Variants in PTPN7 observed in about 807,000 individuals in gnomAD.
PTPN7 encodes the protein tyrosine-protein phosphatase non-receptor type 7.
PTPN7 carries 33 observed loss-of-function variants against 50.3 expected under a neutral mutation model. The observed-to-expected ratio is 0.66, with a 90% CI of 0.50 to 0.88. The LOEUF is 0.88. Among genes scored for constraint, PTPN7 ranks in the 40% least tolerant of loss-of-function variants. The pLI, the probability that PTPN7 is intolerant of heterozygous loss-of-function variation, is 0.00. For missense variants in PTPN7, 412 were observed against 475.4 expected (o/e 0.87, Z 1.24); for synonymous variants, 185 against 186.6 (o/e 0.99, Z 0.07).
rs1655448925 is a variant in PTPN7, at chr1:202,147,422, AG to A, written c.*1183del. The A allele has an allele frequency of 6.6e-6, 1 of 152,182 alleles. No homozygotes were observed. The highest frequency in any genetic ancestry group is 2.4e-5 in the African/African-American group (1 of 41,442). The allele number at this position is 152,182 out of a possible 1,614,324, so 9.4% of individuals were successfully genotyped here. On this transcript the variant is annotated 3_prime_UTR_variant, in exon 10 of 10. Transcript: ENST00000691036. ...GATCCAACTCCTCGGGGGTTTCCAC[AG>A]AGAGCTGGTATCAAGGCAGCTGTCA...
intron 8 of PTPN7, among the ~76,000 whole-genome samples, 160 bp downstream of exon 8, chr1:202,152,382 A>G (rs1164149606): frequency 6.6e-6 from 1 of 152,202 alleles, no homozygotes; most frequent in Non-Finnish European, 1.5e-5. Context: ...TGAAGGAGGT[A>G]AAAAGAACAG....
chr1:202,154,409 C>T, intron 5 of PTPN7, 86 bp from the exon 6 acceptor site: 1 of 1,487,970 alleles, frequency 6.7e-7, no homozygotes, highest in Non-Finnish European at 9.0e-7. Context: ...GTGCTGGGGT[C>T]AGCCTGAAGC....
chr1:202,158,437 A>G, intron 2 of PTPN7, 136 bp from the exon 3 acceptor site: 1 of 895,310 alleles, frequency 1.1e-6, no homozygotes, highest in South Asian at 1.8e-5. Context: ...TATGGCTCAC[A>G]GCAGCCTCAA....
chr1:202,159,231 G>C lies in PTPN7; in HGVS notation c.122+50C>G. The C allele has an allele frequency of 6.4e-7, 1 of 1,566,072 alleles. No homozygotes were observed. Among genetic ancestry groups the C allele is most frequent in the South Asian group, 1.1e-5 (1 of 88,642 alleles). Reference sequence around the variant, plus strand: ...GGGCAGATGGAAGGAAGGGAGGAGCGGAATGGGGGCTCAGGGCTCGGAAGA... The same window carrying C: ...GGGCAGATGGAAGGAAGGGAGGAGCCGAATGGGGGCTCAGGGCTCGGAAGA... On this transcript the variant is annotated intron_variant, in intron 2 of 9. Transcript: ENST00000691036. The surrounding 1 kb of genome is among the most constrained non-coding windows in gnomAD (Gnocchi z 4.6).
chr1:202,149,998 A>G (rs1021760818), intron 9 of PTPN7: 4 of 209,040 alleles, frequency 1.9e-5, no homozygotes, highest in Non-Finnish European at 4.1e-5. Context: ...GGCCTGGCTA[A>G]TTTTTGTATT....
chr1:202,160,074 A>C lies in PTPN7; in HGVS notation c.-53+471T>G. On this transcript the variant is annotated intron_variant, in intron 1 of 9. Transcript: ENST00000691036. The surrounding 1 kb of genome is among the most constrained non-coding windows in gnomAD (Gnocchi z 4.8). ...CATCCCCCCGTCTCCCGCCTCTGTAACCGTCACAGGAAATGGCCTCACCAA... is the reference window on the plus strand; with the variant it reads ...CATCCCCCCGTCTCCCGCCTCTGTACCCGTCACAGGAAATGGCCTCACCAA... 3.8e-6 allele frequency: 3 copies of C among 786,802 alleles called. No homozygotes were observed. Among genetic ancestry groups the C allele is most frequent in the Non-Finnish European group, 4.6e-6 (3 of 645,758 alleles). The allele number at this position is 786,802 out of a possible 1,614,324, so 48.7% of individuals were successfully genotyped here. A position where few individuals can be genotyped will look rare whatever the true frequency, so the allele number is the denominator to read the frequency against.
rs963646044 is a variant in PTPN7 at position 202,147,654 on chromosome 1, G to A, written c.*952C>T. 6.6e-6 allele frequency: 1 copy of A among 152,204 alleles called. No individual in the cohort carries two copies. Among genetic ancestry groups the A allele is most frequent in the Admixed American group, 6.5e-5 (1 of 15,268 alleles). 9.4% of individuals were successfully genotyped at this position (152,204 alleles called of 1,614,324 possible). ...GACAGTGAGGAGTCCTGGTTCAGCCGAGCCTCCATGTCTGCATGGATGGTT... is the reference window on the plus strand; with the variant it reads ...GACAGTGAGGAGTCCTGGTTCAGCCAAGCCTCCATGTCTGCATGGATGGTT... On this transcript the variant is annotated 3_prime_UTR_variant, in exon 10 of 10. Coordinates refer to ENST00000691036, the MANE Select transcript of PTPN7 (RefSeq NM_002832.4).
upstream of PTPN7, chr1:202,160,915 C>T: frequency 1.4e-6 from 2 of 1,442,924 alleles, no homozygotes; most frequent in Non-Finnish European, 9.1e-7. The surrounding 1 kb of genome is among the most constrained non-coding windows in gnomAD (Gnocchi z 4.8). Flanking sequence ...GCCTGACCCC[C>T]AGCTCTGTGC....
In PTPN7 at chr1:202,148,381, T is replaced by G; in HGVS notation, c.*225A>C. On this transcript the variant is annotated 3_prime_UTR_variant, in exon 10 of 10. Coordinates refer to ENST00000691036, the MANE Select transcript of PTPN7 (RefSeq NM_002832.4). ...TTGGAGGTTCCCCTTACTGTCCATCTGGGGCCAACAGAGGAAGCAGAGGAG... is the reference window on the plus strand; with the variant it reads ...TTGGAGGTTCCCCTTACTGTCCATCGGGGGCCAACAGAGGAAGCAGAGGAG... 2.1e-6 allele frequency: 1 copy of G among 469,154 alleles called. No homozygotes were observed. The highest frequency in any genetic ancestry group is 3.8e-6 in the Non-Finnish European group (1 of 262,370). The allele number at this position is 469,154 out of a possible 1,614,324, so 29.1% of individuals were successfully genotyped here.
chr1:202,152,452 T>G lies in PTPN7; in HGVS notation c.875+90A>C, dbSNP rs1237534050. On this transcript the variant is annotated intron_variant, in intron 8 of 9. Transcript: ENST00000691036. ...AGTAAGGACTAGGCTTGCCTGATGC[T>G]TTTCTGCTCAGACCCTTCCCCAGGA... The G allele has an allele frequency of 2.1e-6, 3 of 1,441,068 alleles. No individual in the cohort carries two copies. The East Asian group carries it at 7.1e-5, about 34-fold the overall frequency. 89.3% of individuals were successfully genotyped at this position (1,441,068 alleles called of 1,614,324 possible).
At chr1:202,148,847 CTTTTTTTTT>C (rs10652170) in intron 9 of PTPN7, 148 bp from the exon 10 acceptor site, 18 of 137,518 alleles carry the variant, frequency 1.3e-4, no homozygotes, top group African/African-American at 1.4e-4. Context: ...CATCTTTTCA[CTTTTTTTTT>C]TTTTTTTTTT....
chr1:202,159,247 G>A lies in PTPN7; in HGVS notation c.122+34C>T, dbSNP rs778810822. 18 of 1,599,562 alleles carry A rather than the reference G, an allele frequency of 1.1e-5. No individual in the cohort carries two copies. In the Admixed American group the frequency reaches 3.0e-4, roughly 27 times the overall value. ...GGGAGGAGCGGAATGGGGGCTCAGG[G>A]CTCGGAAGACCCCTCCCCCAGGGAA... On this transcript the variant is annotated intron_variant, in intron 2 of 9. Transcript: ENST00000691036. This position sits in a 1 kb window ranked among gnomAD's most constrained non-coding sequence, Gnocchi z 4.6.
At chr1:202,157,278 G>A (rs1656773458) in intron 4 of PTPN7, among the ~76,000 whole-genome samples, 1 of 152,212 alleles carries the variant, frequency 6.6e-6, no homozygotes, top group Non-Finnish European at 1.5e-5. Flanking sequence ...GGGAGGCCGA[G>A]GTGGGCGGAT....
chr1:202,153,512 A>G (rs1235951915), intron 7 of PTPN7, among the ~76,000 whole-genome samples: 4 of 152,202 alleles, frequency 2.6e-5, no homozygotes, highest in Non-Finnish European at 4.4e-5. Flanking sequence ...CAGATGGGTG[A>G]GTACTTCCCG....
At position 202,155,515 on chromosome 1, in the gene PTPN7, TG is replaced by T; in HGVS notation, c.468+17del. The T allele has an allele frequency of 6.5e-7, 1 of 1,530,790 alleles. No individual in the cohort carries two copies. Among genetic ancestry groups the T allele is most frequent in the African/African-American group, 1.4e-5 (1 of 73,022 alleles). The allele number at this position is 1,530,790 out of a possible 1,614,324, so 94.8% of individuals were successfully genotyped here. On this transcript the variant is annotated intron_variant, in intron 5 of 9. Coordinates refer to ENST00000691036, the MANE Select transcript of PTPN7 (RefSeq NM_002832.4). Reference sequence around the variant, plus strand: ...AATTCCCCCATTCCCCGCCCACCACTGCAGCCAGGCCACTCACTCGGATGTA... The same window carrying T: ...AATTCCCCCATTCCCCGCCCACCACTCAGCCAGGCCACTCACTCGGATGTA...
intron 5 of PTPN7, 124 bp downstream of exon 5, chr1:202,155,391 TGGTAGGGCTATGACAGCA>T: frequency 2.5e-6 from 2 of 802,204 alleles, no homozygotes. Flanking sequence ...CAGCCCAGCT[TGGTAGGGCTATGACAGCA>T]GTGAGCTGGA....
At position 202,159,013 on chromosome 1, in the gene PTPN7, C is replaced by T. The variant is rs1225224881; in HGVS notation, c.122+268G>A. The T allele has an allele frequency of 2.3e-5, 11 of 477,196 alleles. No homozygotes were observed. The highest frequency in any genetic ancestry group is 3.8e-5 in the Non-Finnish European group (10 of 262,592). 29.6% of individuals were successfully genotyped at this position (477,196 alleles called of 1,614,324 possible). A position where few individuals can be genotyped will look rare whatever the true frequency, so the allele number is the denominator to read the frequency against. ...TGCCTCTTCCCACTCCCAGCCAGGC[C>T]CTGTGGCTCCGACATGCATCCAGCA... is the stretch of plus-strand genomic sequence containing the variant. On this transcript the variant is annotated intron_variant, in intron 2 of 9. Transcript: ENST00000691036. The surrounding 1 kb of genome is among the most constrained non-coding windows in gnomAD (Gnocchi z 4.6).
At chr1:202,160,755 GCCC>G (rs531129678), upstream of PTPN7, 549 of 1,550,768 alleles carry the variant, frequency 3.5e-4, 3 homozygotes, top group African/African-American at 6.9e-3. The surrounding 1 kb of genome is among the most constrained non-coding windows in gnomAD (Gnocchi z 4.8). Flanking sequence ...CCCTTCTGGG[GCCC>G]AAGGCCCCGT....
chr1:202,159,772 G>T lies in PTPN7; in HGVS notation c.-52-318C>A, dbSNP rs1657144120. On this transcript the variant is annotated intron_variant, in intron 1 of 9. Coordinates refer to ENST00000691036, the MANE Select transcript of PTPN7 (RefSeq NM_002832.4). This position sits in a 1 kb window ranked among gnomAD's most constrained non-coding sequence, Gnocchi z 4.6. The stretch of plus-strand genomic sequence containing the variant: ...CAGGGCTCTGAGCAGGTCCAAGTGG[G>T]AGAAGGCAAGGGAGGAAACAGAAAA... 3.2e-6 allele frequency: 4 copies of T among 1,248,634 alleles called. No individual in the cohort carries two copies. The highest frequency in any genetic ancestry group is 4.0e-6 in the Non-Finnish European group (4 of 994,992). 77.3% of individuals were successfully genotyped at this position (1,248,634 alleles called of 1,614,324 possible).
Sources: gnomAD v4.1 joint callset for allele counts (sites outside exome capture counted in the v4.1 genomes callset) on GRCh38, gnomAD v4.1.1 for gene constraint, Gnocchi (gnomAD v3.1) non-coding constraint, MANE v1.5 for transcripts, NCBI Gene and HGNC (gene_info 2026-07-23, HGNC 2026-07-21) for gene names.